TRPC3: variants seen among roughly 807,000 people sequenced by gnomAD.
TRPC3 encodes the protein transient receptor potential cation channel subfamily C member 3.
In TRPC3, 54 loss-of-function variants were observed where a neutral mutation model predicts 90.9. That is an observed-to-expected ratio of 0.59 (90% CI 0.48 to 0.75). The LOEUF is 0.75. TRPC3 is among the 30% of genes least tolerant of loss of function. TRPC3 has a pLI of 0.00. For missense variants in TRPC3, 918 were observed against 1,194.5 expected (o/e 0.77, Z 3.41); for synonymous variants, 424 against 450.9 (o/e 0.94, Z 0.75).
At chr4:121,944,441 T>C (rs1730422031) in intron 1 of TRPC3, among the ~76,000 whole-genome samples, 1 of 151,916 alleles carries the variant, frequency 6.6e-6, no homozygotes, top group Admixed American at 6.6e-5. Flanking sequence ...GAGTAAAGGT[T>C]TATGGGATAT....
intron 9 of TRPC3, 46 bp from the exon 10 acceptor site, chr4:121,899,741 T>A (rs775730584): frequency 7.3e-7 from 1 of 1,378,728 alleles, no homozygotes. Flanking sequence ...TACATTCATT[T>A]GGAATAAAAA....
Position 121,912,126 on chromosome 4 carries a change from A to G in TRPC3, c.1342-33T>C, listed in dbSNP as rs750616245. On this transcript the variant is annotated intron_variant, in intron 4 of 11. Transcript: ENST00000379645. ...AAACCAAAGAGGAAAAGTTTGCTTC[A>G]GAAAATCTGGCTTTCACTTGTGGAG... The G allele has an allele frequency of 5.6e-6, 9 of 1,597,624 alleles. No individual in the cohort carries two copies. In the African/African-American group the frequency reaches 1.2e-4, roughly 21 times the overall value.
chr4:121,904,972 G>A (rs905862974), intron 7 of TRPC3, among the ~76,000 whole-genome samples: 3 of 152,086 alleles, frequency 2.0e-5, no homozygotes, highest in Admixed American at 6.6e-5. Flanking sequence ...CAGTAGGGAA[G>A]AATGAAAGTA....
intron 1 of TRPC3, among the ~76,000 whole-genome samples, chr4:121,948,776 G>A (rs1385862079): frequency 1.3e-5 from 2 of 150,982 alleles, no homozygotes; most frequent in African/African-American, 2.4e-5. Context: ...AGGTTTCCTT[G>A]ATTTCCCCAC....
intron 10 of TRPC3, among the ~76,000 whole-genome samples, chr4:121,894,841 C>T (rs1158943031): frequency 1.3e-5 from 2 of 151,906 alleles, no homozygotes; most frequent in African/African-American, 4.8e-5. Flanking sequence ...GTGTGAGCTA[C>T]CAGACCCAAC....
chr4:121,912,362 A>G lies in TRPC3; in HGVS notation c.1342-269T>C, dbSNP rs567554594. The stretch of plus-strand genomic sequence containing the variant: ...TCACAGATGCACTTCTGGAAATCAC[A>G]GGGCCTATACTGGTTCTTGCTCTTA... On this transcript the variant is annotated intron_variant, in intron 4 of 11. Coordinates refer to ENST00000379645, the MANE Select transcript of TRPC3 (RefSeq NM_001130698.2). Among the ~76,000 whole-genome samples the G allele has an allele frequency of 2.0e-5, 3 of 152,302 alleles. No individual in the cohort carries two copies. The East Asian group carries it at 5.8e-4, about 29-fold the overall frequency.
chr4:121,887,888 A>G (rs1728184235), intron 10 of TRPC3, among the ~76,000 whole-genome samples: 1 of 152,218 alleles, frequency 6.6e-6, no homozygotes, highest in Non-Finnish European at 1.5e-5. Context: ...CTTGAGAAAA[A>G]AATCACGCCC....
At chr4:121,945,882 A>G (rs941089437) in intron 1 of TRPC3, among the ~76,000 whole-genome samples, 1 of 152,190 alleles carries the variant, frequency 6.6e-6, no homozygotes, top group African/African-American at 2.4e-5. Flanking sequence ...AAATATTAGG[A>G]AAAAAACCCC....
chr4:121,925,915 A>T (rs2149137096), intron 2 of TRPC3, among the ~76,000 whole-genome samples: 1 of 152,362 alleles, frequency 6.6e-6, no homozygotes, highest in Admixed American at 6.5e-5. Context: ...TTGTACAAAC[A>T]ATAGTTCTTG....
Position 121,876,886 on chromosome 4 carries a change from G to C in TRPC3, c.*2850C>G, listed in dbSNP as rs1480902862. 6.6e-6 allele frequency among the ~76,000 whole-genome samples: 1 copy of C among 151,926 alleles called. No individual in the cohort carries two copies. The highest frequency in any genetic ancestry group is 1.5e-5 in the Non-Finnish European group (1 of 67,968). On this transcript the variant is annotated 3_prime_UTR_variant, in exon 12 of 12. Transcript: ENST00000379645. ...CTTTCTTTTCTTTATCTGTAAATGA[G>C]AAAAAAATAAGAATAGCAAAGAGGT...
At chr4:121,907,275 T>C (rs1214722725) in intron 7 of TRPC3, 28 bp downstream of exon 7, 3 of 1,574,666 alleles carry the variant, frequency 1.9e-6, no homozygotes, top group South Asian at 1.2e-5. Flanking sequence ...CTCTTTATCA[T>C]ACCTGTATAA....
intron 7 of TRPC3, among the ~76,000 whole-genome samples, chr4:121,906,964 A>G (rs1392042774): frequency 1.3e-5 from 2 of 152,140 alleles, no homozygotes; most frequent in Non-Finnish European, 2.9e-5. Context: ...TTCCTTTTTG[A>G]AAGAAGAGTA....
chr4:121,946,172 T>C (rs1730479809), intron 1 of TRPC3, among the ~76,000 whole-genome samples: 1 of 152,068 alleles, frequency 6.6e-6, no homozygotes, highest in South Asian at 2.1e-4. Flanking sequence ...TTCCCAGAAC[T>C]AAAGGACATA....
intron 2 of TRPC3, among the ~76,000 whole-genome samples, chr4:121,930,266 T>A (rs1015164989): frequency 1.3e-5 from 2 of 152,214 alleles, no homozygotes; most frequent in Non-Finnish European, 2.9e-5. Flanking sequence ...ACACAAGCAC[T>A]TTCCATATAA....
intron 6 of TRPC3, 37 bp from the exon 7 acceptor site, chr4:121,907,604 T>C: frequency 6.4e-7 from 1 of 1,571,304 alleles, no homozygotes; most frequent in Non-Finnish European, 8.6e-7. Flanking sequence ...AAATGGAGCT[T>C]TCTATTCATT....
chr4:121,951,421 G>T lies in TRPC3; in HGVS notation c.215+45C>A, dbSNP rs1171181461. The T allele has an allele frequency of 1.7e-6, 2 of 1,160,402 alleles. No homozygotes were observed. The highest frequency in any genetic ancestry group is 3.3e-5 in the African/African-American group (2 of 61,494). 71.9% of individuals were successfully genotyped at this position (1,160,402 alleles called of 1,614,324 possible). A position where few individuals can be genotyped will look rare whatever the true frequency, so the allele number is the denominator to read the frequency against. On this transcript the variant is annotated intron_variant, in intron 1 of 11. Coordinates refer to ENST00000379645, the MANE Select transcript of TRPC3 (RefSeq NM_001130698.2). The surrounding 1 kb of genome is among the most constrained non-coding windows in gnomAD (Gnocchi z 4.4). ...CGCGCGCCTTCCCGCCCCCCGCCCG[G>T]CACCGCCCTCCGAGGCGCGGGCCGC...
intron 7 of TRPC3, among the ~76,000 whole-genome samples, chr4:121,905,086 T>A (rs1728834035): frequency 6.6e-6 from 1 of 152,116 alleles, no homozygotes; most frequent in Admixed American, 6.6e-5. Context: ...TCGAGCTTTG[T>A]GTGTTTATAT....
chr4:121,911,738 T>C, intron 5 of TRPC3, 139 bp downstream of exon 5: 1 of 888,632 alleles, frequency 1.1e-6, no homozygotes, highest in Non-Finnish European at 1.6e-6. Context: ...TATTTGGTTA[T>C]TTTGCTATTT....
chr4:121,900,921 G>A (rs566211257), intron 9 of TRPC3, among the ~76,000 whole-genome samples: 2 of 152,216 alleles, frequency 1.3e-5, no homozygotes, highest in South Asian at 4.1e-4. Context: ...ATTCTTTCCT[G>A]TCAATGGTAC....
Sources: allele counts gnomAD v4.1 joint callset (sites outside exome capture counted in the v4.1 genomes callset), GRCh38; gene constraint gnomAD v4.1.1; non-coding constraint Gnocchi (gnomAD v3.1); transcripts MANE v1.5; gene names NCBI Gene and HGNC (gene_info 2026-07-23, HGNC 2026-07-21).